Variants in NEK7 observed in about 807,000 individuals in gnomAD.
The protein encoded by NEK7 is NIMA related kinase 7.
Under a neutral mutation model 44.6 loss-of-function variants are expected in NEK7, and 18 were observed. That is an observed-to-expected ratio of 0.40 (90% confidence interval 0.28 to 0.60). NEK7 has a LOEUF of 0.60. NEK7 is among the 20% of genes least tolerant of loss of function. The pLI is 0.38. For missense variants in NEK7, 256 were observed against 366.5 expected, an observed-to-expected ratio of 0.70 and a Z score of 2.46; for synonymous variants, 130 against 121.1, an observed-to-expected ratio of 1.07 and a Z score of -0.48.
At chr1:198,228,695 T>G (rs1488024713) in intron 1 of NEK7, among the ~76,000 whole-genome samples, 1 of 152,170 alleles carries the variant, frequency 6.6e-6, no homozygotes, top group African/African-American at 2.4e-5. Flanking sequence ...ATAAGAATGC[T>G]TATGATTTTT....
chr1:198,299,416 G>A (rs1654813738), intron 9 of NEK7, among the ~76,000 whole-genome samples: 1 of 152,104 alleles, frequency 6.6e-6, no homozygotes, highest in African/African-American at 2.4e-5. Context: ...GTGCTATAAT[G>A]TCTTAAATTT....
intron 9 of NEK7, among the ~76,000 whole-genome samples, chr1:198,309,399 T>A (rs994300274): frequency 3.3e-5 from 5 of 152,122 alleles, no homozygotes; most frequent in African/African-American, 1.2e-4. Flanking sequence ...GAGACTGATG[T>A]CAGTGGCTCA....
chr1:198,279,142 G>A (rs549434857), intron 7 of NEK7, 81 bp downstream of exon 7: 3 of 807,816 alleles, frequency 3.7e-6, no homozygotes, highest in Non-Finnish European at 6.3e-6. Context: ...TTACATGCCA[G>A]CTCTTACATT....
chr1:198,269,301 A>G (rs1653762919), intron 5 of NEK7, among the ~76,000 whole-genome samples: 1 of 152,058 alleles, frequency 6.6e-6, no homozygotes, highest in South Asian at 2.1e-4. Flanking sequence ...TGTCACAGCA[A>G]TTTCCTGCTG....
At chr1:198,211,712 G>GT (rs924698101) in intron 1 of NEK7, among the ~76,000 whole-genome samples, 13 of 151,308 alleles carry the variant, frequency 8.6e-5, no homozygotes, top group Middle Eastern at 3.4e-3. Flanking sequence ...AAAAAATGCA[G>GT]TTTTTTTTTG....
chr1:198,242,473 CTTT>C (rs35704352), intron 2 of NEK7, among the ~76,000 whole-genome samples: 7 of 107,100 alleles, frequency 6.5e-5, no homozygotes, highest in Admixed American at 2.9e-4. Context: ...TCTCAGCTCA[CTTT>C]TTTTTTTTTT....
chr1:198,225,255 CA>C (rs34192199), intron 1 of NEK7, among the ~76,000 whole-genome samples: 25,609 of 133,006 alleles, frequency 0.19, 2,686 homozygotes, highest in African/African-American at 0.28. Flanking sequence ...GTGTAGGTTA[CA>C]AAAAAAAAAA....
intron 1 of NEK7, among the ~76,000 whole-genome samples, chr1:198,170,321 T>C (rs772634551): frequency 6.6e-6 from 1 of 152,106 alleles, no homozygotes; most frequent in South Asian, 2.1e-4. Context: ...AGAGACTAGT[T>C]TGGCAATTAA....
At chr1:198,319,364 C>A in intron 9 of NEK7, 48 bp from the exon 10 acceptor site, 1 of 1,370,842 alleles carries the variant, frequency 7.3e-7, no homozygotes, top group South Asian at 1.3e-5. Flanking sequence ...GTAAACTAAC[C>A]AAAAATAGTT....
At chr1:198,200,552 C>CTT (rs531448626) in intron 1 of NEK7, among the ~76,000 whole-genome samples, 58 of 131,366 alleles carry the variant, frequency 4.4e-4, no homozygotes, top group Non-Finnish European at 7.0e-4. Flanking sequence ...TTCTTTCTTT[C>CTT]TTTTTTTTTT....
rs375279377 is a variant in NEK7 at position 198,167,546 on chromosome 1, C to T, written c.-29+10270C>T. On this transcript the variant is annotated intron_variant, in intron 1 of 9. Transcript: ENST00000367385. ...TAGTTTTAGTTCCTTCTCAACCAAACGGTCCCTTGTTACTGGACTGCTTAG... is the reference window on the plus strand; with the variant it reads ...TAGTTTTAGTTCCTTCTCAACCAAATGGTCCCTTGTTACTGGACTGCTTAG... Among the ~76,000 whole-genome samples, 7 of 152,282 alleles carry T rather than the reference C, an allele frequency of 4.6e-5. No homozygotes were observed. In the South Asian group the frequency reaches 1.0e-3, roughly 23 times the overall value.
chr1:198,254,305 C>G (rs1210046174), intron 3 of NEK7, among the ~76,000 whole-genome samples: 1 of 152,138 alleles, frequency 6.6e-6, no homozygotes, highest in African/African-American at 2.4e-5. Flanking sequence ...TCAGAGATAA[C>G]CATATCCTGA....
chr1:198,227,812 G>A (rs1245521033), intron 1 of NEK7, among the ~76,000 whole-genome samples: 5 of 152,096 alleles, frequency 3.3e-5, no homozygotes, highest in Non-Finnish European at 1.5e-5. Context: ...CTCCCATTCT[G>A]TAGGCTGCCT....
chr1:198,312,281 G>A (rs1655212021), intron 9 of NEK7, among the ~76,000 whole-genome samples: 1 of 150,986 alleles, frequency 6.6e-6, no homozygotes. Context: ...GATCGGTGGT[G>A]ATATCCCCTT....
rs373335791 is a variant in NEK7 at position 198,224,415 on chromosome 1, T to C, written c.-28-8138T>C. Among the ~76,000 whole-genome samples, 25 of 152,276 alleles carry C rather than the reference T, an allele frequency of 1.6e-4. No individual in the cohort carries two copies. In the East Asian group the frequency reaches 2.3e-3, roughly 14 times the overall value. ...TGTAGGTGTGTAGTAGGCTATACCATTTAGGTTTGTGGAAGTACACTCCAT... is the reference window on the plus strand; with the variant it reads ...TGTAGGTGTGTAGTAGGCTATACCACTTAGGTTTGTGGAAGTACACTCCAT... On this transcript the variant is annotated intron_variant, in intron 1 of 9. Transcript: ENST00000367385.
intron 2 of NEK7, among the ~76,000 whole-genome samples, chr1:198,247,097 A>G (rs1666854424): frequency 6.6e-6 from 1 of 152,246 alleles, no homozygotes; most frequent in Non-Finnish European, 1.5e-5. Flanking sequence ...ATTTTGTCAC[A>G]TTGACACTTA....
At chr1:198,268,400 A>G (rs1469550915) in intron 5 of NEK7, among the ~76,000 whole-genome samples, 1 of 150,218 alleles carries the variant, frequency 6.7e-6, no homozygotes, top group African/African-American at 2.5e-5. Flanking sequence ...TTGACATTTC[A>G]CTCTCCCTTA....
At chr1:198,302,285 A>G (rs1654910786) in intron 9 of NEK7, among the ~76,000 whole-genome samples, 1 of 151,982 alleles carries the variant, frequency 6.6e-6, no homozygotes. Flanking sequence ...ATACTAATAA[A>G]TATATTTTGG....
At chr1:198,238,913 C>G (rs1437832658) in intron 2 of NEK7, among the ~76,000 whole-genome samples, 1 of 152,172 alleles carries the variant, frequency 6.6e-6, no homozygotes, top group East Asian at 1.9e-4. Context: ...TACACTTTTG[C>G]TTGTGATTAG....
Sources: allele counts gnomAD v4.1 joint callset (sites outside exome capture counted in the v4.1 genomes callset), GRCh38; gene constraint gnomAD v4.1.1; transcripts MANE v1.5; gene names NCBI Gene and HGNC (gene_info 2026-07-23, HGNC 2026-07-21).